SCAPER: variants seen among roughly 807,000 people sequenced by gnomAD.
The protein encoded by SCAPER is S phase cyclin A-associated protein in the endoplasmic reticulum.
SCAPER carries 98 observed loss-of-function variants against 182.2 expected under a neutral mutation model. That is an observed-to-expected ratio of 0.54 (90% CI 0.46 to 0.64). The LOEUF (loss-of-function observed/expected upper bound fraction) is 0.64, where lower values mean the gene tolerates loss of function less well. SCAPER is among the 30% of genes least tolerant of loss of function. The pLI, the probability that SCAPER is intolerant of heterozygous loss-of-function variation, is 0.00. For synonymous variants in SCAPER, 605 were observed against 564.6 expected, an observed-to-expected ratio of 1.07 and a Z score of -1.01; for missense variants, 1,432 against 1,690.0, an observed-to-expected ratio of 0.85 and a Z score of 2.68.
At chr15:76,634,574 A>G (rs2053434072) in intron 21 of SCAPER, among the ~76,000 whole-genome samples, 1 of 152,194 alleles carries the variant, frequency 6.6e-6, no homozygotes, top group South Asian at 2.1e-4. Flanking sequence ...CTAAAGCATG[A>G]AACACAGAAT....
chr15:76,899,492 G>A (rs1328047000), intron 1 of SCAPER, among the ~76,000 whole-genome samples: 2 of 152,212 alleles, frequency 1.3e-5, no homozygotes, highest in African/African-American at 4.8e-5. Flanking sequence ...GGAGTGCAGT[G>A]GCCTGATCTC....
chr15:76,606,550 A>G (rs1310531411), intron 22 of SCAPER, among the ~76,000 whole-genome samples: 1 of 151,930 alleles, frequency 6.6e-6, no homozygotes, highest in East Asian at 1.9e-4. Flanking sequence ...TGCAGAGCTG[A>G]GTTCAATTCC....
At chr15:76,731,727 T>C (rs1026062474) in intron 16 of SCAPER, among the ~76,000 whole-genome samples, 1 of 152,240 alleles carries the variant, frequency 6.6e-6, no homozygotes, top group Non-Finnish European at 1.5e-5. Flanking sequence ...TTAAAATCTT[T>C]CACTGAAATT....
intron 5 of SCAPER, among the ~76,000 whole-genome samples, chr15:76,822,401 A>G (rs1291754064): frequency 3.3e-5 from 5 of 152,270 alleles, no homozygotes; most frequent in Non-Finnish European, 7.3e-5. Flanking sequence ...AGTTTTACCA[A>G]CATTTCTTAA....
chr15:76,820,612 A>G (rs2067463683), intron 5 of SCAPER, among the ~76,000 whole-genome samples: 1 of 136,772 alleles, frequency 7.3e-6, no homozygotes, highest in African/African-American at 2.7e-5. Context: ...GGGGGGAGGG[A>G]TAGCATCAGG....
At chr15:76,451,134 A>G (rs2048343175) in intron 25 of SCAPER, among the ~76,000 whole-genome samples, 1 of 152,238 alleles carries the variant, frequency 6.6e-6, no homozygotes, top group African/African-American at 2.4e-5. Flanking sequence ...AGATTTTTGA[A>G]TCTGGCTTTC....
chr15:76,361,740 G>A (rs1277723663), intron 29 of SCAPER, among the ~76,000 whole-genome samples: 1 of 152,158 alleles, frequency 6.6e-6, no homozygotes, highest in East Asian at 1.9e-4. Flanking sequence ...TCTTGAGAGA[G>A]CATTACTGTA....
At chr15:76,682,342 A>T (rs952211446) in intron 20 of SCAPER, among the ~76,000 whole-genome samples, 31 of 147,274 alleles carry the variant, frequency 2.1e-4, no homozygotes, top group Non-Finnish European at 3.1e-4. Flanking sequence ...CACCCCAATG[A>T]TGCCCCCAGC....
intron 23 of SCAPER, among the ~76,000 whole-genome samples, chr15:76,518,082 T>G (rs2042573541): frequency 6.6e-6 from 1 of 151,958 alleles, no homozygotes; most frequent in Non-Finnish European, 1.5e-5. Flanking sequence ...TGGGAAGAAA[T>G]GTGCACACAG....
chr15:76,708,742 G>T (rs2059404533), intron 17 of SCAPER, among the ~76,000 whole-genome samples: 1 of 152,082 alleles, frequency 6.6e-6, no homozygotes. Flanking sequence ...TAATAAGAAA[G>T]AAAATTGACA....
At chr15:76,578,012 C>T (rs2047979359) in intron 22 of SCAPER, among the ~76,000 whole-genome samples, 1 of 152,022 alleles carries the variant, frequency 6.6e-6, no homozygotes, top group Admixed American at 6.6e-5. Flanking sequence ...GCATACACCA[C>T]AAACTGAATG....
intron 20 of SCAPER, among the ~76,000 whole-genome samples, chr15:76,697,663 G>A (rs914040577): frequency 6.6e-6 from 1 of 151,408 alleles, no homozygotes; most frequent in East Asian, 1.9e-4. Context: ...TTTTGAGATC[G>A]AGTCTCACTC....
At chr15:76,394,577 T>C (rs2043923601) in intron 27 of SCAPER, among the ~76,000 whole-genome samples, 1 of 152,200 alleles carries the variant, frequency 6.6e-6, no homozygotes. Flanking sequence ...TGGACAACTG[T>C]TAATGCCCCT....
At chr15:76,739,817 A>AGAAAATTT in intron 15 of SCAPER, among the ~76,000 whole-genome samples, 1 of 152,286 alleles carries the variant, frequency 6.6e-6, no homozygotes, top group Middle Eastern at 3.4e-3. Context: ...TAACACTATC[A>AGAAAATTT]CAGAATTACT....
rs539096826 is a variant in SCAPER at position 76,537,499 on chromosome 15, A to C, written c.2839-32525T>G. 8.0e-3 allele frequency among the ~76,000 whole-genome samples: 1,219 copies of C among 152,260 alleles called. 19 individuals are homozygous for C. The highest frequency in any genetic ancestry group is 0.028 in the African/African-American group (1,171 of 41,534). On this transcript the variant is annotated intron_variant, in intron 23 of 31. Coordinates refer to ENST00000563290, the MANE Select transcript of SCAPER (RefSeq NM_020843.4). ...TCCCTATTTAATAAAAGGTGCTGGG[A>C]AAACTGGCTAGCCATATGTAGAAAG...
intron 20 of SCAPER, among the ~76,000 whole-genome samples, chr15:76,699,629 C>T (rs1193667554): frequency 6.6e-6 from 1 of 152,244 alleles, no homozygotes; most frequent in South Asian, 2.1e-4. Context: ...GACTGCATGC[C>T]CTGGGGGACT....
intron 20 of SCAPER, among the ~76,000 whole-genome samples, chr15:76,694,885 T>C (rs1410794461): frequency 1.3e-5 from 2 of 152,076 alleles, no homozygotes; most frequent in South Asian, 2.1e-4. Context: ...CATGAATAAA[T>C]TGAAAAAAGC....
chr15:76,598,172 A>T (rs2049646595), intron 22 of SCAPER, among the ~76,000 whole-genome samples: 1 of 121,584 alleles, frequency 8.2e-6, no homozygotes, highest in South Asian at 2.5e-4. Context: ...AAAAGAAGAC[A>T]TTTATGCGGC....
intron 1 of SCAPER, among the ~76,000 whole-genome samples, chr15:76,886,108 T>C (rs1392423479): frequency 6.6e-6 from 1 of 152,190 alleles, no homozygotes; most frequent in Non-Finnish European, 1.5e-5. Context: ...TAATTCACAT[T>C]CCCACAAAAT....
Sources: allele counts gnomAD v4.1 joint callset (sites outside exome capture counted in the v4.1 genomes callset), GRCh38; gene constraint gnomAD v4.1.1; transcripts MANE v1.5; gene names NCBI Gene and HGNC (gene_info 2026-07-23, HGNC 2026-07-21).